Variants in CFAP299 observed in about 807,000 individuals in gnomAD.
CFAP299 encodes the protein cilia and flagella associated protein 299.
Under a neutral mutation model 27.0 loss-of-function variants are expected in CFAP299, and 21 were observed. The observed-to-expected ratio is 0.78, with a 90% CI of 0.55 to 1.12. The LOEUF (loss-of-function observed/expected upper bound fraction) is 1.12, where lower values mean the gene tolerates loss of function less well. Among genes scored for constraint, CFAP299 ranks in the 50% most tolerant of loss-of-function variants. CFAP299 has a pLI of 0.00. For missense variants in CFAP299, 310 were observed against 276.6 expected (o/e 1.12, Z -0.86); for synonymous variants, 104 against 98.1 (o/e 1.06, Z -0.36).
At chr4:80,524,427 C>T (rs931815320) in intron 2 of CFAP299, among the ~76,000 whole-genome samples, 5 of 151,682 alleles carry the variant, frequency 3.3e-5, no homozygotes, top group African/African-American at 1.2e-4. Context: ...TAGCAGAATC[C>T]TTGATTTCTC....
intron 2 of CFAP299, among the ~76,000 whole-genome samples, chr4:80,544,057 C>T (rs1267113223): frequency 6.6e-6 from 1 of 152,146 alleles, no homozygotes; most frequent in Non-Finnish European, 1.5e-5. Flanking sequence ...TTTTCAGCAT[C>T]CTTAAAGCAA....
Position 80,638,805 on chromosome 4 carries a change from A to G in CFAP299, c.333+55622A>G, listed in dbSNP as rs542309499. 8.5e-5 allele frequency among the ~76,000 whole-genome samples: 13 copies of G among 152,316 alleles called. No homozygotes were observed. The East Asian group carries it at 1.7e-3, about 20-fold the overall frequency. On this transcript the variant is annotated intron_variant, in intron 3 of 5. Transcript: ENST00000358105. ...CAGCGAATATTTTAGGGCACTCAAT[A>G]TGTATTAGGTTGTCTGCTCATGCTG...
At chr4:80,666,494 C>T (rs936270357) in intron 3 of CFAP299, among the ~76,000 whole-genome samples, 4 of 150,570 alleles carry the variant, frequency 2.7e-5, no homozygotes, top group African/African-American at 1.0e-4. Flanking sequence ...ATCCCCACCA[C>T]TATTTGAAAA....
At position 80,801,602 on chromosome 4, in the gene CFAP299, T is replaced by G. The variant is rs867260998; in HGVS notation, c.334-68391T>G. ...AATTATTAAATCAGAATATTCTGCT[T>G]CTTCTGACTGTTGGTTAGAAGAAAT... is the stretch of plus-strand genomic sequence containing the variant. On this transcript the variant is annotated intron_variant, in intron 3 of 5. Coordinates refer to ENST00000358105, the MANE Select transcript of CFAP299 (RefSeq NM_152770.3). 5.1e-5 allele frequency among the ~76,000 whole-genome samples: 7 copies of G among 137,166 alleles called. No individual in the cohort carries two copies. The South Asian group carries it at 7.4e-4, about 14-fold the overall frequency. 90.0% of individuals were successfully genotyped at this position (137,166 alleles called of 152,430 possible). A position where few individuals can be genotyped will look rare whatever the true frequency, so the allele number is the denominator to read the frequency against.
intron 2 of CFAP299, among the ~76,000 whole-genome samples, chr4:80,461,825 C>T (rs1729453779): frequency 6.6e-6 from 1 of 152,274 alleles, no homozygotes; most frequent in African/African-American, 2.4e-5. Flanking sequence ...TGAACTTCCT[C>T]ACTTGGACAT....
At chr4:80,688,494 G>C (rs1304009174) in intron 3 of CFAP299, among the ~76,000 whole-genome samples, 1 of 152,190 alleles carries the variant, frequency 6.6e-6, no homozygotes, top group Non-Finnish European at 1.5e-5. Flanking sequence ...CTGTCTGTTA[G>C]AAGGAAAACT....
chr4:80,735,884 G>A lies in CFAP299; in HGVS notation c.334-134109G>A, dbSNP rs1015345292. ...TACATAAATGTCCATCAGGGATAATGGTCTTTGGTTTTCTTTTTTTGATGT... is the reference window on the plus strand; with the variant it reads ...TACATAAATGTCCATCAGGGATAATAGTCTTTGGTTTTCTTTTTTTGATGT... On this transcript the variant is annotated intron_variant, in intron 3 of 5. Coordinates refer to ENST00000358105, the MANE Select transcript of CFAP299 (RefSeq NM_152770.3). Among the ~76,000 whole-genome samples, 3 of 152,038 alleles carry A rather than the reference G, an allele frequency of 2.0e-5. No homozygotes were observed. In the South Asian group the frequency reaches 6.2e-4, roughly 31 times the overall value.
At chr4:80,356,773 A>G (rs1409423036) in intron 1 of CFAP299, among the ~76,000 whole-genome samples, 1 of 152,132 alleles carries the variant, frequency 6.6e-6, no homozygotes, top group Non-Finnish European at 1.5e-5. Context: ...AGATCATATA[A>G]TCTGCAAATA....
chr4:80,690,527 G>T (rs1182823700), intron 3 of CFAP299, among the ~76,000 whole-genome samples: 1 of 151,558 alleles, frequency 6.6e-6, no homozygotes, highest in Non-Finnish European at 1.5e-5. Flanking sequence ...CAGAATCTCT[G>T]GGACGCATTC....
intron 2 of CFAP299, among the ~76,000 whole-genome samples, chr4:80,462,673 A>G (rs1044474072): frequency 6.6e-6 from 1 of 152,022 alleles, no homozygotes; most frequent in Admixed American, 6.6e-5. Flanking sequence ...TGCTTTTCCA[A>G]TTTACAACAG....
chr4:80,501,322 T>C (rs1731732334), intron 2 of CFAP299, among the ~76,000 whole-genome samples: 1 of 151,236 alleles, frequency 6.6e-6, no homozygotes, highest in Non-Finnish European at 1.5e-5. Flanking sequence ...TTTCAGTAGT[T>C]GTTTACTTCT....
intron 4 of CFAP299, chr4:80,870,951 G>C (rs1320055512): frequency 1.1e-6 from 1 of 900,058 alleles, no homozygotes; most frequent in Admixed American, 6.2e-5. Context: ...CTGTCGCCCA[G>C]GCTGGAGTGC....
chr4:80,886,635 GACA>G (rs1442179481), intron 4 of CFAP299, among the ~76,000 whole-genome samples: 1 of 152,068 alleles, frequency 6.6e-6, no homozygotes, highest in African/African-American at 2.4e-5. Flanking sequence ...AGACTATGAA[GACA>G]ACAATAAATA....
chr4:80,617,469 C>A (rs925223416), intron 3 of CFAP299, among the ~76,000 whole-genome samples: 3 of 152,132 alleles, frequency 2.0e-5, no homozygotes, highest in Admixed American at 6.6e-5. Context: ...GCTATGAACT[C>A]ACCAAATGAT....
At chr4:80,346,805 T>C (rs1343916388) in intron 1 of CFAP299, among the ~76,000 whole-genome samples, 1 of 152,206 alleles carries the variant, frequency 6.6e-6, no homozygotes, top group Non-Finnish European at 1.5e-5. Context: ...TCCAATTCTG[T>C]GAAGAAAGTC....
intron 5 of CFAP299, among the ~76,000 whole-genome samples, chr4:80,949,405 A>T (rs1392015921): frequency 2.0e-5 from 3 of 152,146 alleles, no homozygotes; most frequent in African/African-American, 4.8e-5. Context: ...GTGGAAAGGA[A>T]TGGTGAAGGG....
At chr4:80,592,267 G>C (rs577777030) in intron 3 of CFAP299, among the ~76,000 whole-genome samples, 1 of 152,092 alleles carries the variant, frequency 6.6e-6, no homozygotes, top group Non-Finnish European at 1.5e-5. Context: ...ACATAACTGA[G>C]GAAGCATTTA....
intron 3 of CFAP299, among the ~76,000 whole-genome samples, chr4:80,646,910 A>G (rs1026340598): frequency 6.6e-6 from 1 of 152,156 alleles, no homozygotes; most frequent in Non-Finnish European, 1.5e-5. Context: ...TAGTTTTAAA[A>G]TATATAAGTT....
rs531261792 is a variant in CFAP299 at position 80,792,837 on chromosome 4, TA to T, written c.334-77155del. On this transcript the variant is annotated intron_variant, in intron 3 of 5. Transcript: ENST00000358105. ...ACTTGGTTATCTAAAGTTTTGTGTATATTTTTAGCTGTAAGACAAAGGAAGA... is the reference window on the plus strand; with the variant it reads ...ACTTGGTTATCTAAAGTTTTGTGTATTTTTTAGCTGTAAGACAAAGGAAGA... 3.1e-3 allele frequency among the ~76,000 whole-genome samples: 478 copies of T among 152,264 alleles called. 1 individual carries two copies. Among genetic ancestry groups the T allele is most frequent in the South Asian group, 4.6e-3 (22 of 4,822 alleles).
Sources: gnomAD v4.1 joint callset for allele counts (sites outside exome capture counted in the v4.1 genomes callset) on GRCh38, gnomAD v4.1.1 for gene constraint, MANE v1.5 for transcripts, NCBI Gene and HGNC (gene_info 2026-07-23, HGNC 2026-07-21) for gene names.